The following PCDH11X variants were observed in gnomAD, a reference collection of about 807,000 sequenced individuals.
The protein encoded by PCDH11X is protocadherin 11 X-linked, also known as protocadherin-11 X-linked.
Under a neutral mutation model 53.3 loss-of-function variants are expected in PCDH11X, and 18 were observed. That is an observed-to-expected ratio of 0.34 (90% CI 0.23 to 0.50). The LOEUF is 0.50. Among genes scored for constraint, PCDH11X ranks in the 20% least tolerant of loss-of-function variants. The pLI is 0.98. For missense variants in PCDH11X, 570 were observed against 1,032.4 expected (o/e 0.55, Z 6.14); for synonymous variants, 279 against 393.3 (o/e 0.71, Z 3.44).
chrX:92,616,885 C>T (rs1928027858), intron 10 of PCDH11X, among the ~76,000 whole-genome samples: 1 of 110,817 alleles, frequency 9.0e-6, no homozygotes, highest in African/African-American at 3.3e-5. Flanking sequence ...TGTATCTCTC[C>T]ATTTAATTAG....
chrX:92,251,016 A>G (rs905933415), intron 7 of PCDH11X, among the ~76,000 whole-genome samples: 2 of 111,394 alleles, frequency 1.8e-5, no homozygotes, highest in Admixed American at 9.7e-5. Context: ...TTGTATATCA[A>G]TAAAGGTGTT....
At chrX:92,364,167 C>T in intron 8 of PCDH11X, among the ~76,000 whole-genome samples, 1 of 111,641 alleles carries the variant, frequency 9.0e-6, no homozygotes, top group Non-Finnish European at 1.9e-5. Context: ...ATATAATAGT[C>T]ATGTGCTACT....
chrX:92,551,347 A>C (rs1055971503), intron 10 of PCDH11X, among the ~76,000 whole-genome samples: 1 of 107,352 alleles, frequency 9.3e-6, no homozygotes, highest in South Asian at 4.1e-4. Context: ...CTTGTTTGAC[A>C]TTTGTATTTC....
At chrX:92,618,243 T>A (rs1928206389) in intron 10 of PCDH11X, 21 bp from the exon 11 acceptor site, 1 of 1,172,835 alleles carries the variant, frequency 8.5e-7, no homozygotes, top group Non-Finnish European at 1.1e-6. Flanking sequence ...AATTTTATTA[T>A]TTTTTTCCTC....
chrX:92,208,193 T>TAA (rs66614821), intron 7 of PCDH11X, among the ~76,000 whole-genome samples: 1 of 85,292 alleles, frequency 1.2e-5, no homozygotes, highest in African/African-American at 4.3e-5. Flanking sequence ...AGACTCCATC[T>TAA]AAAAAAAAAA....
intron 9 of PCDH11X, among the ~76,000 whole-genome samples, chrX:92,396,708 T>C (rs1479510725): frequency 9.7e-6 from 1 of 103,288 alleles, no homozygotes; most frequent in Non-Finnish European, 1.9e-5. Context: ...CTGGGCATGA[T>C]GGTGGGTGCC....
intron 1 of PCDH11X, among the ~76,000 whole-genome samples, chrX:91,779,963 C>T (rs1158668147): frequency 9.0e-6 from 1 of 111,726 alleles, no homozygotes; most frequent in Non-Finnish European, 1.9e-5. Flanking sequence ...AGAAATGTGT[C>T]GGCGCATGAA....
chrX:92,107,458 T>G (rs970202733), intron 6 of PCDH11X, among the ~76,000 whole-genome samples: 1 of 112,417 alleles, frequency 8.9e-6, no homozygotes, highest in African/African-American at 3.2e-5. Context: ...ACCAAGAGGC[T>G]GGGTGTGGTG....
intron 5 of PCDH11X, among the ~76,000 whole-genome samples, chrX:91,845,985 T>A (rs1327440780): frequency 9.0e-6 from 1 of 111,410 alleles, no homozygotes; most frequent in African/African-American, 3.3e-5. Flanking sequence ...TTTCTCCAAC[T>A]GTTTTGTGGA....
intron 7 of PCDH11X, among the ~76,000 whole-genome samples, chrX:92,203,716 G>A (rs1217847377): frequency 1.8e-5 from 2 of 111,798 alleles, no homozygotes; most frequent in East Asian, 5.7e-4. Context: ...GTGGGTAGGT[G>A]GTCAGAAAGT....
intron 6 of PCDH11X, among the ~76,000 whole-genome samples, chrX:92,132,834 T>C (rs2065019732): frequency 9.3e-6 from 1 of 107,285 alleles, no homozygotes; most frequent in Admixed American, 1.0e-4. Flanking sequence ...TCATTCACAG[T>C]TTGTTCTAAT....
At chrX:92,550,982 A>G (rs762373996) in intron 10 of PCDH11X, among the ~76,000 whole-genome samples, 6 of 110,907 alleles carry the variant, frequency 5.4e-5, no homozygotes, top group Non-Finnish European at 1.1e-4. Context: ...TTCTCTATTC[A>G]TCTGTTGATG....
At chrX:92,022,062 A>G (rs182430320) in intron 6 of PCDH11X, among the ~76,000 whole-genome samples, 2 of 107,123 alleles carry the variant, frequency 1.9e-5, no homozygotes, top group Non-Finnish European at 3.8e-5. Context: ...GCCACTGAAA[A>G]AACAAACCAA....
At chrX:92,311,528 C>A in intron 8 of PCDH11X, among the ~76,000 whole-genome samples, 1 of 111,090 alleles carries the variant, frequency 9.0e-6, no homozygotes, top group East Asian at 2.8e-4. Flanking sequence ...AAATGAGAAG[C>A]CACCACATTT....
At chrX:92,611,015 G>C (rs1407359106) in intron 10 of PCDH11X, among the ~76,000 whole-genome samples, 1 of 111,049 alleles carries the variant, frequency 9.0e-6, no homozygotes, top group Non-Finnish European at 1.9e-5. Flanking sequence ...AGTACAGTCT[G>C]AAGTCAGATA....
intron 9 of PCDH11X, among the ~76,000 whole-genome samples, chrX:92,388,189 A>G (rs2071051646): frequency 8.9e-6 from 1 of 111,801 alleles, no homozygotes; most frequent in Admixed American, 9.5e-5. Flanking sequence ...TTTTCCATTT[A>G]TGTACACCTG....
chrX:92,198,138 G>A (rs748636473), intron 6 of PCDH11X, among the ~76,000 whole-genome samples: 3 of 107,597 alleles, frequency 2.8e-5, no homozygotes, highest in African/African-American at 1.0e-4. Flanking sequence ...GCTCACACCT[G>A]TAATCCCAGC....
At chrX:92,346,652 T>A (rs767121793) in intron 8 of PCDH11X, among the ~76,000 whole-genome samples, 2 of 112,336 alleles carry the variant, frequency 1.8e-5, no homozygotes, top group Admixed American at 1.9e-4. Context: ...GCATCTTGAC[T>A]TTTTACCAAA....
intron 10 of PCDH11X, among the ~76,000 whole-genome samples, chrX:92,532,214 A>G (rs1252903082): frequency 9.0e-6 from 1 of 111,475 alleles, no homozygotes; most frequent in Non-Finnish European, 1.9e-5. Flanking sequence ...AAACTCTTTT[A>G]AGACAGAGAT....
Sources: allele counts gnomAD v4.1 joint callset (sites outside exome capture counted in the v4.1 genomes callset), GRCh38; gene constraint gnomAD v4.1.1; transcripts MANE v1.5; gene names NCBI Gene and HGNC (gene_info 2026-07-23, HGNC 2026-07-21).